Variants in SNX25 observed in about 807,000 individuals in gnomAD.
SNX25 encodes the protein sorting nexin-25.
Under a neutral mutation model 113.7 loss-of-function variants are expected in SNX25, and 62 were observed. The ratio of observed to expected loss-of-function variants is 0.55; its 90% CI spans 0.44 to 0.67. SNX25 has a LOEUF of 0.67. Among genes scored for constraint, SNX25 ranks in the 30% least tolerant of loss-of-function variants. The pLI is 0.00. For synonymous variants in SNX25, 421 were observed against 436.2 expected (o/e 0.97, Z 0.43); for missense variants, 1,014 against 1,161.0 (o/e 0.87, Z 1.84).
chr4:185,221,298 G>A (rs1207305287), intron 1 of SNX25, among the ~76,000 whole-genome samples: 2 of 152,104 alleles, frequency 1.3e-5, no homozygotes, highest in African/African-American at 4.8e-5. Context: ...CTCCCAAAGT[G>A]CTGGAATTAC....
intron 1 of SNX25, among the ~76,000 whole-genome samples, chr4:185,220,809 T>A (rs780550970): frequency 6.6e-6 from 1 of 152,112 alleles, no homozygotes; most frequent in Non-Finnish European, 1.5e-5. Context: ...ATCTTCTCCT[T>A]ATACCCCATA....
rs2095248216 is a variant in SNX25, at chr4:185,339,298, T to C, written c.1915-81T>C. On this transcript the variant is annotated intron_variant, in intron 10 of 18. Coordinates refer to ENST00000652585, the MANE Select transcript of SNX25 (RefSeq NM_001378034.2). ...TCGAAACACAGCTGATTATTGTGTG[T>C]TGACTTTGAATCCTGCTACTTTGCT... 4.4e-6 allele frequency: 6 copies of C among 1,349,328 alleles called. No homozygotes were observed. The South Asian group carries it at 7.8e-5, about 18-fold the overall frequency. 83.6% of individuals were successfully genotyped at this position (1,349,328 alleles called of 1,614,324 possible). A position where few individuals can be genotyped will look rare whatever the true frequency, so the allele number is the denominator to read the frequency against.
intron 13 of SNX25, among the ~76,000 whole-genome samples, chr4:185,349,382 A>G (rs1034596852): frequency 1.3e-5 from 2 of 152,190 alleles, no homozygotes. Context: ...ATGGGAATGC[A>G]GATATATCTT....
chr4:185,208,651 C>A (rs773398082), upstream of SNX25, among the ~76,000 whole-genome samples: 3 of 151,894 alleles, frequency 2.0e-5, no homozygotes, highest in Non-Finnish European at 2.9e-5. Context: ...TGGCTTGAAC[C>A]CAGGAAGCAG....
chr4:185,367,144 T>C (rs770446179), downstream of SNX25: 6 of 1,544,728 alleles, frequency 3.9e-6, no homozygotes, highest in Admixed American at 5.1e-5. Context: ...TTGTGAGGTG[T>C]TAGCATTGAT....
In SNX25 at chr4:185,323,509, T is replaced by C; in HGVS notation, c.1477-19T>C. 1 of 1,594,390 alleles carries C rather than the reference T, an allele frequency of 6.3e-7. No homozygotes were observed. ...AGAGATGATATGTCTTACTTTTCCTTATCTTCCTGTCTTTTCAGAATGAAA... is the reference window on the plus strand; with the variant it reads ...AGAGATGATATGTCTTACTTTTCCTCATCTTCCTGTCTTTTCAGAATGAAA... On this transcript the variant is annotated intron_variant, in intron 8 of 18. Transcript: ENST00000652585.
At chr4:185,292,517 G>T (rs939864266) in intron 6 of SNX25, among the ~76,000 whole-genome samples, 1 of 152,120 alleles carries the variant, frequency 6.6e-6, no homozygotes, top group African/African-American at 2.4e-5. Context: ...TCCTGCCTCA[G>T]CCTCCCAAGT....
rs760022120 is a variant in SNX25, at chr4:185,357,769, T to C, written c.2651+32T>C. 51 of 1,557,002 alleles carry C rather than the reference T, an allele frequency of 3.3e-5. No individual in the cohort carries two copies. The Middle Eastern group carries it at 8.4e-4, about 26-fold the overall frequency. On this transcript the variant is annotated intron_variant, in intron 16 of 18. Transcript: ENST00000652585. ...TGTATGAAATTAATATTTGGATCCA[T>C]GCCCTACTCTTTTGCCTTGACAGTC... is the stretch of plus-strand genomic sequence containing the variant.
At chr4:185,216,651 C>A (rs755932192) in intron 1 of SNX25, among the ~76,000 whole-genome samples, 5 of 151,084 alleles carry the variant, frequency 3.3e-5, no homozygotes, top group Non-Finnish European at 7.4e-5. Flanking sequence ...TCCCGAGTCA[C>A]TGGGATGATA....
chr4:185,349,601 G>A (rs1310098263), intron 13 of SNX25, among the ~76,000 whole-genome samples: 1 of 152,068 alleles, frequency 6.6e-6, no homozygotes, highest in Non-Finnish European at 1.5e-5. Context: ...GTGTGAGATG[G>A]TATCTCCTGG....
At chr4:185,274,233 G>A (rs1008020477) in intron 5 of SNX25, among the ~76,000 whole-genome samples, 1 of 152,020 alleles carries the variant, frequency 6.6e-6, no homozygotes, top group South Asian at 2.1e-4. Flanking sequence ...GCTAATTTTT[G>A]TATCTTTAGT....
chr4:185,252,347 A>G (rs1363031510), intron 2 of SNX25, among the ~76,000 whole-genome samples: 2 of 152,184 alleles, frequency 1.3e-5, no homozygotes, highest in East Asian at 3.8e-4. Flanking sequence ...CGGCACCAAT[A>G]TATTTAATTG....
intron 6 of SNX25, among the ~76,000 whole-genome samples, chr4:185,309,547 C>A (rs1285024218): frequency 6.6e-6 from 1 of 152,202 alleles, no homozygotes; most frequent in Non-Finnish European, 1.5e-5. Flanking sequence ...TTGGCCCCAC[C>A]ATCCCTCTGG....
Position 185,321,235 on chromosome 4 carries a change from A to T in SNX25, c.1476+371A>T, listed in dbSNP as rs2095117127. On this transcript the variant is annotated intron_variant, in intron 8 of 18. Coordinates refer to ENST00000652585, the MANE Select transcript of SNX25 (RefSeq NM_001378034.2). ...TGCCATTTATAATATCATAATGTGC[A>T]TGTTTTATACTTTGCCTTTCATTTC... Among the ~76,000 whole-genome samples the T allele has an allele frequency of 2.0e-5, 3 of 150,828 alleles. No homozygotes were observed. In the South Asian group the frequency reaches 6.3e-4, roughly 32 times the overall value.
intron 6 of SNX25, 88 bp from the exon 7 acceptor site, chr4:185,310,547 C>A: frequency 8.3e-7 from 1 of 1,209,718 alleles, no homozygotes; most frequent in East Asian, 2.4e-5. Flanking sequence ...TTCAGAATGC[C>A]CACAGCAGAC....
intron 12 of SNX25, among the ~76,000 whole-genome samples, chr4:185,342,397 C>G (rs1054746908): frequency 1.3e-5 from 2 of 152,164 alleles, no homozygotes; most frequent in Non-Finnish European, 2.9e-5. Flanking sequence ...TGGCAGCTGC[C>G]GATTGTGATA....
chr4:185,376,725 G>GA, the SNX25 span, among the ~76,000 whole-genome samples: 1 of 152,134 alleles, frequency 6.6e-6, no homozygotes, highest in Non-Finnish European at 1.5e-5. Flanking sequence ...ATTTTATGAA[G>GA]AAAAGTCAGG....
intron 2 of SNX25, among the ~76,000 whole-genome samples, chr4:185,248,560 G>A (rs999350807): frequency 3.3e-5 from 5 of 152,026 alleles, no homozygotes; most frequent in African/African-American, 1.2e-4. Flanking sequence ...GCTGAAGTGG[G>A]AGAATTGCTT....
At chr4:185,289,546 G>A (rs1040916563) in intron 6 of SNX25, among the ~76,000 whole-genome samples, 5 of 152,164 alleles carry the variant, frequency 3.3e-5, no homozygotes, top group African/African-American at 1.2e-4. Flanking sequence ...AGGCGGCAGG[G>A]AACCCAGTCA....
Sources: gnomAD v4.1 joint callset for allele counts (sites outside exome capture counted in the v4.1 genomes callset) on GRCh38, gnomAD v4.1.1 for gene constraint, MANE v1.5 for transcripts, NCBI Gene and HGNC (gene_info 2026-07-23, HGNC 2026-07-21) for gene names.